SERINC4: variants seen among roughly 807,000 people sequenced by gnomAD.
SERINC4 encodes serine incorporator 4.
SERINC4 carries 52 observed loss-of-function variants against 52.0 expected under a neutral mutation model. That is an observed-to-expected ratio of 1.00 (90% CI 0.80 to 1.26). The LOEUF is 1.26. Ranked by LOEUF, SERINC4 falls within the 50% of genes most tolerant of loss-of-function variation. The pLI is 0.00. For missense variants in SERINC4, 723 were observed against 632.8 expected, an observed-to-expected ratio of 1.14 and a Z score of -1.53; for synonymous variants, 264 against 247.7, an observed-to-expected ratio of 1.07 and a Z score of -0.62.
In SERINC4 at chr15:43,794,913, C is replaced by A. The variant is rs1364382036; in HGVS notation, c.*87G>T. ...AAACGGAGATAACTCCCTGTGTGTC[C>A]TTGAGGTATTGAGCTGGGCTGGACA... On this transcript the variant is annotated 3_prime_UTR_variant, in exon 12 of 12. Transcript: ENST00000319327. 1 of 1,000,878 alleles carries A rather than the reference C, an allele frequency of 1.0e-6. No individual in the cohort carries two copies. The highest frequency in any genetic ancestry group is 1.6e-5 in the African/African-American group (1 of 62,118). 62.0% of individuals were successfully genotyped at this position (1,000,878 alleles called of 1,614,324 possible).
intron 4 of SERINC4, 28 bp from the exon 5 acceptor site, chr15:43,798,041 G>T (rs766517914): frequency 6.6e-6 from 10 of 1,516,526 alleles, no homozygotes; most frequent in South Asian, 2.3e-5. Flanking sequence ...GTGGAAAAAT[G>T]TCAAATTGTT....
Position 43,797,197 on chromosome 15 carries a change from A to G in SERINC4, c.792T>C (p.Leu264=). The change falls in exon 6 of 12, where the codon CTT becomes CTC. Residue 264 remains leucine (L), a synonymous_variant. Transcript: ENST00000319327. The part of the protein sequence containing the change: ...LLNKMLLSLH[L]CFCGLISFLS... Reference sequence around the variant, plus strand: ...GGAAGGAGATGAGGCCACAGAAGCAAAGGTGCAGACTGAGGAGCATCTTGT... The same window carrying G: ...GGAAGGAGATGAGGCCACAGAAGCAGAGGTGCAGACTGAGGAGCATCTTGT... 1.9e-6 allele frequency: 3 copies of G among 1,551,046 alleles called. No homozygotes were observed. Among genetic ancestry groups the G allele is most frequent in the Non-Finnish European group, 1.7e-6 (2 of 1,147,050 alleles).
In SERINC4 at chr15:43,797,141, CCACT is replaced by C; in HGVS notation, c.844_844+3del. 1 of 1,551,040 alleles carries C rather than the reference CCACT, an allele frequency of 6.4e-7. No homozygotes were observed. The highest frequency in any genetic ancestry group is 8.7e-7 in the Non-Finnish European group (1 of 1,146,874). The stretch of plus-strand genomic sequence containing the variant: ...ACCTGGAATGCTGTAGGACATGTAC[CCACT>C]GAGGCGGATGCAAGGAGCGATGGAG... On this transcript the variant is annotated splice_donor_variant and splice_donor_region_variant and coding_sequence_variant and intron_variant, in exon 6 of 12. Transcript: ENST00000319327. LOFTEE classifies it high-confidence loss of function.
Position 43,794,969 on chromosome 15 carries a change from T to C in SERINC4, c.*31A>G, listed in dbSNP as rs187951529. ...CCTTGAGCCAACTCTAGGAGTACAA[T>C]GTCAGGGGAACCCCAGTTTGTGAAA... On this transcript the variant is annotated 3_prime_UTR_variant, in exon 12 of 12. Transcript: ENST00000319327. 6.8e-4 allele frequency: 1,055 copies of C among 1,558,884 alleles called. No homozygotes were observed. Among genetic ancestry groups the C allele is most frequent in the Admixed American group, 2.3e-3 (132 of 58,072 alleles).
rs550323409 is a variant in SERINC4 at position 43,798,344 on chromosome 15, C to T, written c.538+81G>A. 1.9e-5 allele frequency: 21 copies of T among 1,089,412 alleles called. No homozygotes were observed. The highest frequency in any genetic ancestry group is 4.7e-5 in the East Asian group (2 of 42,130). The allele number at this position is 1,089,412 out of a possible 1,614,324, so 67.5% of individuals were successfully genotyped here. On this transcript the variant is annotated intron_variant, in intron 4 of 11. Coordinates refer to ENST00000319327, the MANE Select transcript of SERINC4 (RefSeq NM_001258031.2). Reference sequence around the variant, plus strand: ...GATTACAGGCGTGAGCCACTGCACCCGGCCATTACTCCTCTTCTTACCCAC... The same window carrying T: ...GATTACAGGCGTGAGCCACTGCACCTGGCCATTACTCCTCTTCTTACCCAC...
intron 3 of SERINC4, 90 bp from the exon 4 acceptor site, chr15:43,798,594 A>G: frequency 2.2e-6 from 2 of 926,040 alleles, no homozygotes; most frequent in South Asian, 2.7e-5. Flanking sequence ...AGAGAAACCA[A>G]AAATATAGGA....
At position 43,797,169 on chromosome 15, in the gene SERINC4, A is replaced by G; in HGVS notation, c.820T>C (p.Ser274Pro). The change falls in exon 6 of 12, where the codon TCC becomes CCC. Residue 274 changes from serine to proline, a missense_variant. Ser to Pro is a moderately conservative substitution (Grantham distance 74, BLOSUM62 -1). Coordinates refer to ENST00000319327, the MANE Select transcript of SERINC4 (RefSeq NM_001258031.2). ...LCFCGLISFL[S>P]IAPCIRLKQP... ...CTGAGGCGGATGCAAGGAGCGATGG[A>G]GAGGAAGGAGATGAGGCCACAGAAG... 6.4e-7 allele frequency: 1 copy of G among 1,551,206 alleles called. No homozygotes were observed. Among genetic ancestry groups the G allele is most frequent in the Non-Finnish European group, 8.7e-7 (1 of 1,147,038 alleles).
chr15:43,799,705 T>G, intron 1 of SERINC4, 180 bp downstream of exon 1: 1 of 809,904 alleles, frequency 1.2e-6, no homozygotes, highest in South Asian at 1.4e-5. Flanking sequence ...GCTTGAGATA[T>G]CTGACCTTTC....
chr15:43,799,849 C>G (rs1261420246), intron 1 of SERINC4, 36 bp downstream of exon 1: 3 of 1,457,134 alleles, frequency 2.1e-6, no homozygotes, highest in Admixed American at 4.3e-5. Context: ...GTCTTCCTCC[C>G]CAGCTTCGGC....
intron 11 of SERINC4, 71 bp from the exon 12 acceptor site, chr15:43,795,284 C>T: frequency 1.3e-6 from 2 of 1,589,322 alleles, no homozygotes. Context: ...ACCTCCTCAC[C>T]AAATATAATG....
intron 2 of SERINC4, 81 bp downstream of exon 2, chr15:43,799,229 G>A (rs1335558115): frequency 1.2e-5 from 18 of 1,505,048 alleles, no homozygotes; most frequent in Non-Finnish European, 1.5e-5. Flanking sequence ...TTTGTCTCCT[G>A]CCCCCAACCG....
rs1279632680 is a variant in SERINC4, at chr15:43,795,422, G to A, written c.1309C>T (p.Leu437Phe). ...TTGGTAAGGGTAACCATGACATAGA[G>A]TGAGGCAAGGAAGAAGACGAAGTGG... ...AFHFVFFLASLYVMVTLTNWF... is the reference protein window; with the variant it reads ...AFHFVFFLASFYVMVTLTNWF... Residue 437 changes from leucine to phenylalanine, a missense_variant, in exon 11 of 12, where the codon CTC becomes TTC. Transcript: ENST00000319327. 1 of 1,614,182 alleles carries A rather than the reference G, an allele frequency of 6.2e-7. No individual in the cohort carries two copies. The highest frequency in any genetic ancestry group is 1.1e-5 in the South Asian group (1 of 91,090).
At chr15:43,796,537 T>C in intron 8 of SERINC4, 79 bp downstream of exon 8, 2 of 1,475,690 alleles carry the variant, frequency 1.4e-6, no homozygotes, top group Non-Finnish European at 1.9e-6. Context: ...TAAATAATGG[T>C]CCCAGACATT....
At chr15:43,797,001 C>A (rs539513921) in intron 6 of SERINC4, 61 bp from the exon 7 acceptor site, 7 of 1,499,530 alleles carry the variant, frequency 4.7e-6, no homozygotes, top group Admixed American at 3.4e-5. Flanking sequence ...TTTCTACCCC[C>A]ACTTGTACTT....
At chr15:43,795,251 G>T (rs1017894300) in intron 11 of SERINC4, 38 bp from the exon 12 acceptor site, 3 of 1,605,410 alleles carry the variant, frequency 1.9e-6, no homozygotes, top group Non-Finnish European at 2.6e-6. Context: ...AATATGAAGG[G>T]CCTTAGCTTT....
At chr15:43,797,777 T>C in intron 5 of SERINC4, 143 bp downstream of exon 5, 1 of 632,422 alleles carries the variant, frequency 1.6e-6, no homozygotes, top group South Asian at 1.9e-5. Flanking sequence ...GCCCACGCAG[T>C]CATCACATTC....
At position 43,798,533 on chromosome 15, in the gene SERINC4, C is replaced by A. The variant is rs779935605; in HGVS notation, c.459-29G>T. On this transcript the variant is annotated intron_variant, in intron 3 of 11. Transcript: ENST00000319327. Reference sequence around the variant, plus strand: ...GTTAGGAGGGAGAAAGAAAAACAGACTCAGGAGAAAAGGCAAAGGACAGTG... The same window carrying A: ...GTTAGGAGGGAGAAAGAAAAACAGAATCAGGAGAAAAGGCAAAGGACAGTG... 1.9e-5 allele frequency: 30 copies of A among 1,558,900 alleles called. No individual in the cohort carries two copies. The Admixed American group carries it at 5.0e-4, about 26-fold the overall frequency.
chr15:43,798,792 G>C, intron 3 of SERINC4, 167 bp downstream of exon 3: 1 of 700,728 alleles, frequency 1.4e-6, no homozygotes, highest in Non-Finnish European at 2.4e-6. Flanking sequence ...GATGCTAGAA[G>C]CACAAAGTCT....
Position 43,799,035 on chromosome 15 carries a change from TGGC to T in SERINC4, c.379_381del (p.Ala127del), listed in dbSNP as rs2087266867. 5.8e-6 allele frequency: 9 copies of T among 1,550,098 alleles called. No individual in the cohort carries two copies. The highest frequency in any genetic ancestry group is 7.8e-6 in the Non-Finnish European group (9 of 1,146,926). ...AACACAGCCTGCAGCAGGTGGAAGG[TGGC>T]GGTTCCTGCACATACTCGGTACACA... On this transcript the variant is annotated inframe_deletion, in exon 3 of 12. Coordinates refer to ENST00000319327, the MANE Select transcript of SERINC4 (RefSeq NM_001258031.2).
Sources: allele counts gnomAD v4.1 joint callset, GRCh38; gene constraint gnomAD v4.1.1; transcripts MANE v1.5; gene names NCBI Gene and HGNC (gene_info 2026-07-23, HGNC 2026-07-21).